Variants in ABCB1 observed in about 807,000 individuals in gnomAD.
ABCB1 encodes the protein ATP-dependent translocase ABCB1.
A neutral mutation model predicts 142.0 loss-of-function variants in ABCB1; 69 were observed. That is an observed-to-expected ratio of 0.49 (90% CI 0.40 to 0.59). The LOEUF (loss-of-function observed/expected upper bound fraction) is 0.59. Ranked by LOEUF, ABCB1 falls within the 20% of genes least tolerant of loss-of-function variation. The probability of loss-of-function intolerance (pLI) is 0.00; values close to 1 mark genes in which losing one functional copy is unlikely to be tolerated. For missense variants in ABCB1, 1,326 were observed against 1,554.7 expected, an observed-to-expected ratio of 0.85 and a Z score of 2.47; for synonymous variants, 532 against 539.2, an observed-to-expected ratio of 0.99 and a Z score of 0.18.
rs971823908 is a variant in ABCB1, at chr7:87,520,689, C to T, written c.2786+87G>A. 10 of 1,202,774 alleles carry T rather than the reference C, an allele frequency of 8.3e-6. No individual in the cohort carries two copies. In the African/African-American group the frequency reaches 1.0e-4, roughly 13 times the overall value. The allele number at this position is 1,202,774 out of a possible 1,614,324, so 74.5% of individuals were successfully genotyped here. ...GAGCACTTTCTCCACTTGCTCCCTA[C>T]CTTCTAGCCAAAGTAATCCCTCTGA... On this transcript the variant is annotated intron_variant, in intron 22 of 27. Coordinates refer to ENST00000622132, the MANE Select transcript of ABCB1 (RefSeq NM_001348946.2).
chr7:87,545,862 C>A lies in ABCB1; in HGVS notation c.1887+1G>T. The A allele has an allele frequency of 6.2e-7, 1 of 1,613,980 alleles. No homozygotes were observed. The highest frequency in any genetic ancestry group is 8.5e-7 in the Non-Finnish European group (1 of 1,179,938). ...AGGAAAATTCTGAAGTTAAACTATA[C>A]CTGCATTGTGACAAGTTTGAAGTAA... On this transcript the variant is annotated splice_donor_variant, in intron 15 of 27. Transcript: ENST00000622132. LOFTEE classifies it high-confidence loss of function.
intron 3 of ABCB1, among the ~76,000 whole-genome samples, chr7:87,587,714 C>CA (rs1026830724): frequency 3.3e-5 from 5 of 151,608 alleles, no homozygotes; most frequent in South Asian, 4.2e-4. Flanking sequence ...TATTAAAATA[C>CA]AAAAAAAGAA....
intron 27 of ABCB1, among the ~76,000 whole-genome samples, chr7:87,504,808 GA>G (rs113719447): frequency 0.18 from 15,943 of 86,852 alleles, 1,014 homozygotes; most frequent in African/African-American, 0.23. Context: ...CCATCTCAAA[GA>G]AAAAAAAAAA....
chr7:87,642,193 A>T (rs1413790995), intron 1 of ABCB1, among the ~76,000 whole-genome samples: 2 of 152,052 alleles, frequency 1.3e-5, no homozygotes, highest in African/African-American at 2.4e-5. Flanking sequence ...ATATATATAT[A>T]TTTTTAAAAC....
chr7:87,562,999 G>T (rs28746505), intron 7 of ABCB1, among the ~76,000 whole-genome samples: 3,365 of 152,206 alleles, frequency 0.022, 57 homozygotes, highest in African/African-American at 0.041. Flanking sequence ...GAACAATTCA[G>T]TCACAAGGAT....
chr7:87,546,155 G>T, intron 14 of ABCB1, 131 bp from the exon 15 acceptor site: 1 of 818,948 alleles, frequency 1.2e-6, no homozygotes, highest in South Asian at 1.6e-5. Context: ...GATAGCCTCT[G>T]ACTTCAATAA....
intron 1 of ABCB1, among the ~76,000 whole-genome samples, chr7:87,657,976 A>G (rs985714686): frequency 2.0e-5 from 3 of 152,180 alleles, no homozygotes; most frequent in African/African-American, 7.2e-5. Context: ...AGAGTTTCAT[A>G]ACATAATATA....
intron 1 of ABCB1, among the ~76,000 whole-genome samples, chr7:87,661,967 T>A (rs1824756705): frequency 1.3e-5 from 2 of 152,128 alleles, no homozygotes; most frequent in African/African-American, 2.4e-5. Context: ...AAATAATATA[T>A]CATTGTACTT....
intron 1 of ABCB1, among the ~76,000 whole-genome samples, chr7:87,647,020 A>C (rs138304391): frequency 6.6e-6 from 1 of 152,190 alleles, no homozygotes; most frequent in Admixed American, 6.5e-5. Flanking sequence ...ACATTAATCT[A>C]TCTCAGCATT....
intron 1 of ABCB1, among the ~76,000 whole-genome samples, chr7:87,617,828 G>GTTA (rs1820079246): frequency 6.6e-6 from 1 of 152,166 alleles, no homozygotes; most frequent in Non-Finnish European, 1.5e-5. Context: ...GGATAAAGAT[G>GTTA]AAAATGTTTA....
At chr7:87,682,281 A>G (rs747499376) in intron 1 of ABCB1, among the ~76,000 whole-genome samples, 2 of 152,190 alleles carry the variant, frequency 1.3e-5, no homozygotes, top group Non-Finnish European at 2.9e-5. Flanking sequence ...GTTGGAATCA[A>G]CTTTTTCCAA....
In ABCB1 at chr7:87,545,961, C is replaced by G. The variant is rs199931362; in HGVS notation, c.1789G>C (p.Val597Leu). 6.2e-7 allele frequency: 1 copy of G among 1,614,068 alleles called. No homozygotes were observed. Among genetic ancestry groups the G allele is most frequent in the Non-Finnish European group, 8.5e-7 (1 of 1,179,960 alleles). Reference sequence around the variant, plus strand: ...ACTCCATCATCGAAACCAGCGATGACGTCAGCATTACGAACTGTAGACAAA... The same window carrying G: ...ACTCCATCATCGAAACCAGCGATGAGGTCAGCATTACGAACTGTAGACAAA... ...HRLSTVRNAD[V>L]IAGFDDGVIV... The change falls in exon 15 of 28, where the codon GTC (valine) becomes CTC (leucine). Residue 597 changes from valine to leucine, a missense_variant. Val to Leu is a conservative substitution (Grantham distance 32, BLOSUM62 1). Transcript: ENST00000622132.
chr7:87,555,687 A>T (rs1157150498), intron 8 of ABCB1, among the ~76,000 whole-genome samples: 1 of 152,154 alleles, frequency 6.6e-6, no homozygotes, highest in Non-Finnish European at 1.5e-5. Flanking sequence ...GAACAGAAAA[A>T]TTATTTTTGA....
intron 1 of ABCB1, among the ~76,000 whole-genome samples, chr7:87,675,658 A>G: frequency 8.5e-6 from 1 of 117,550 alleles, no homozygotes; most frequent in South Asian, 2.8e-4. Context: ...ACATGCAAAA[A>G]AAAAAAAAAA....
At chr7:87,520,926 G>A in intron 21 of ABCB1, 50 bp from the exon 22 acceptor site, 2 of 1,354,422 alleles carry the variant, frequency 1.5e-6, no homozygotes, top group Admixed American at 3.4e-5. Flanking sequence ...AAATAGTGGT[G>A]ATTAATTTGA....
At chr7:87,534,019 A>G (rs1816175612) in intron 20 of ABCB1, among the ~76,000 whole-genome samples, 1 of 152,228 alleles carries the variant, frequency 6.6e-6, no homozygotes, top group South Asian at 2.1e-4. Flanking sequence ...GCAGGCAATT[A>G]GAGACAGTGA....
chr7:87,537,294 G>A (rs758510905), intron 19 of ABCB1, among the ~76,000 whole-genome samples: 7 of 152,186 alleles, frequency 4.6e-5, no homozygotes, highest in South Asian at 2.1e-4. Context: ...TCTTACAGGC[G>A]ACTGTCAAGA....
intron 24 of ABCB1, 70 bp from the exon 25 acceptor site, chr7:87,515,498 T>C: frequency 7.2e-7 from 1 of 1,390,776 alleles, no homozygotes; most frequent in Non-Finnish European, 1.0e-6. Flanking sequence ...GCTAACTCTC[T>C]CGATTACCAG....
intron 8 of ABCB1, among the ~76,000 whole-genome samples, chr7:87,555,078 T>G (rs1443420599): frequency 2.0e-5 from 3 of 152,220 alleles, no homozygotes; most frequent in African/African-American, 7.2e-5. Flanking sequence ...GGAGATGATG[T>G]CTATAACTCG....
Sources: allele counts gnomAD v4.1 joint callset (sites outside exome capture counted in the v4.1 genomes callset), GRCh38; gene constraint gnomAD v4.1.1; transcripts MANE v1.5; gene names NCBI Gene and HGNC (gene_info 2026-07-23, HGNC 2026-07-21).